LGSN: variants seen among roughly 807,000 people sequenced by gnomAD.
The protein encoded by LGSN is lengsin, lens protein with glutamine synthetase domain.
LGSN carries 21 observed loss-of-function variants against 19.5 expected under a neutral mutation model. That is an observed-to-expected ratio of 1.07 (90% CI 0.76 to 1.55). The LOEUF (loss-of-function observed/expected upper bound fraction) is 1.55, where lower values mean the gene tolerates loss of function less well. Among genes scored for constraint, LGSN ranks in the 40% most tolerant of loss-of-function variants. The pLI is 0.00. For missense variants in LGSN, 673 were observed against 608.5 expected (o/e 1.11, Z -1.12); for synonymous variants, 257 against 215.6 (o/e 1.19, Z -1.68).
chr6:63,279,858 C>T lies in LGSN; in HGVS notation c.*163G>A. ...TGTTATCAGAATCTTCTCAGCAGTC[C>T]TACTTCATCTGTCAAATATTCCATG... On this transcript the variant is annotated 3_prime_UTR_variant, in exon 4 of 4. Transcript: ENST00000370657. 1.6e-6 allele frequency: 1 copy of T among 634,910 alleles called. No homozygotes were observed. The highest frequency in any genetic ancestry group is 2.7e-6 in the Non-Finnish European group (1 of 366,958). The allele number at this position is 634,910 out of a possible 1,614,324, so 39.3% of individuals were successfully genotyped here.
At chr6:63,300,953 T>A (rs763725336) in intron 1 of LGSN, among the ~76,000 whole-genome samples, 8 of 152,174 alleles carry the variant, frequency 5.3e-5, no homozygotes, top group Non-Finnish European at 1.0e-4. Context: ...TTAGAATTAC[T>A]AAGAGTTAAA....
chr6:63,534,990 G>T, the LGSN span, among the ~76,000 whole-genome samples: 2 of 152,024 alleles, frequency 1.3e-5, no homozygotes, highest in Admixed American at 1.3e-4. Context: ...AACCCAGGAG[G>T]CAGAGGTTGC....
At chr6:63,427,182 G>T in the LGSN span, among the ~76,000 whole-genome samples, 150,690 of 151,966 alleles carry the variant, frequency 0.99, 74,713 homozygotes, top group East Asian at 1. Context: ...GTAGCTGGGA[G>T]TACAGCCATG....
chr6:63,337,050 A>T, the LGSN span, among the ~76,000 whole-genome samples: 6 of 151,524 alleles, frequency 4.0e-5, no homozygotes, highest in African/African-American at 1.5e-4. Context: ...CAGCCTCCCG[A>T]GTAGCTGGGA....
At chr6:63,438,904 C>A in the LGSN span, among the ~76,000 whole-genome samples, 1 of 152,250 alleles carries the variant, frequency 6.6e-6, no homozygotes, top group South Asian at 2.1e-4. Context: ...CACATGCACA[C>A]GTATGTTTAT....
the LGSN span, among the ~76,000 whole-genome samples, chr6:63,486,555 G>A: frequency 9.2e-5 from 14 of 152,168 alleles, no homozygotes; most frequent in African/African-American, 4.8e-5. Context: ...CAAAGATGCA[G>A]AGGTAGGCCC....
chr6:63,324,876 G>A (rs1288991581), upstream of LGSN, among the ~76,000 whole-genome samples: 2 of 151,616 alleles, frequency 1.3e-5, no homozygotes, highest in African/African-American at 2.4e-5. Context: ...GGGAGGCCGA[G>A]GCGGTCACAT....
intron 1 of LGSN, among the ~76,000 whole-genome samples, chr6:63,314,938 G>C (rs1768782126): frequency 6.6e-6 from 1 of 152,140 alleles, no homozygotes; most frequent in African/African-American, 2.4e-5. Flanking sequence ...ATGGTTTAAG[G>C]TTTCATGAGG....
At chr6:63,456,384 T>TAC in the LGSN span, among the ~76,000 whole-genome samples, 1 of 128,112 alleles carries the variant, frequency 7.8e-6, no homozygotes, top group Non-Finnish European at 1.6e-5. Flanking sequence ...TATATATATA[T>TAC]ATATATATAC....
the LGSN span, among the ~76,000 whole-genome samples, chr6:63,462,588 T>G: frequency 6.6e-6 from 1 of 152,200 alleles, no homozygotes; most frequent in African/African-American, 2.4e-5. Context: ...TGAGCTGAGA[T>G]CGCACCACTG....
At chr6:63,504,750 C>G in the LGSN span, among the ~76,000 whole-genome samples, 7 of 152,292 alleles carry the variant, frequency 4.6e-5, no homozygotes, top group South Asian at 1.0e-3. Flanking sequence ...AGCTGAAAAT[C>G]ATTTTTTATG....
chr6:63,537,717 C>T, the LGSN span, among the ~76,000 whole-genome samples: 1 of 152,192 alleles, frequency 6.6e-6, no homozygotes, highest in Non-Finnish European at 1.5e-5. Flanking sequence ...CCATTAACAC[C>T]CTTGTCAGCA....
the LGSN span, among the ~76,000 whole-genome samples, chr6:63,410,671 C>T: frequency 6.6e-6 from 1 of 152,116 alleles, no homozygotes; most frequent in Non-Finnish European, 1.5e-5. Context: ...CCATAAAGTG[C>T]AATGAACGCA....
chr6:63,409,429 C>T, the LGSN span, among the ~76,000 whole-genome samples: 1 of 152,148 alleles, frequency 6.6e-6, no homozygotes, highest in Non-Finnish European at 1.5e-5. Flanking sequence ...TATATCTAAA[C>T]TTCTTGATCA....
chr6:63,319,929 C>T lies in LGSN; in HGVS notation c.15G>A (p.Glu5=). The change falls in exon 1 of 4, where the codon GAG becomes GAA. Residue 5 remains glutamate (E), a synonymous_variant. Coordinates refer to ENST00000370657, the MANE Select transcript of LGSN (RefSeq NM_016571.3). ...AGCTTCATACCTCCTGCAGAAGGTCCTCTTCATTATTCATCTCAACACTTT... is the reference window on the plus strand; with the variant it reads ...AGCTTCATACCTCCTGCAGAAGGTCTTCTTCATTATTCATCTCAACACTTT... MNNE[E]DLLQEDSTRD... 2.5e-6 allele frequency: 4 copies of T among 1,609,900 alleles called. No individual in the cohort carries two copies. The highest frequency in any genetic ancestry group is 3.4e-6 in the Non-Finnish European group (4 of 1,176,484).
At chr6:63,381,793 G>A in the LGSN span, among the ~76,000 whole-genome samples, 2 of 152,160 alleles carry the variant, frequency 1.3e-5, no homozygotes, top group Non-Finnish European at 2.9e-5. Context: ...AGCAAGCAAT[G>A]GAGCTCAGAA....
the LGSN span, among the ~76,000 whole-genome samples, chr6:63,468,585 A>G: frequency 6.8e-5 from 10 of 146,080 alleles, no homozygotes; most frequent in Non-Finnish European, 1.4e-4. Flanking sequence ...GTGCCACCAC[A>G]CCTGCCTAAT....
the LGSN span, among the ~76,000 whole-genome samples, chr6:63,340,838 T>TTGTGTGTCTG: frequency 6.8e-6 from 1 of 146,722 alleles, no homozygotes; most frequent in African/African-American, 2.5e-5. Flanking sequence ...TTTTTATGGT[T>TTGTGTGTCTG]TGTGTGTGTG....
the LGSN span, among the ~76,000 whole-genome samples, chr6:63,402,097 T>G: frequency 6.6e-6 from 1 of 152,102 alleles, no homozygotes; most frequent in Non-Finnish European, 1.5e-5. Context: ...AAGGTGAAGG[T>G]GGATGTGGAA....
Sources: allele counts gnomAD v4.1 joint callset (sites outside exome capture counted in the v4.1 genomes callset), GRCh38; gene constraint gnomAD v4.1.1; transcripts MANE v1.5; gene names NCBI Gene and HGNC (gene_info 2026-07-23, HGNC 2026-07-21).